The following CMTM7 variants were observed in gnomAD, a reference collection of about 807,000 sequenced individuals.
The protein encoded by CMTM7 is CKLF-like MARVEL transmembrane domain-containing protein 7.
A neutral mutation model predicts 19.3 loss-of-function variants in CMTM7; 7 were observed. The ratio of observed to expected loss-of-function variants is 0.36; its 90% CI spans 0.21 to 0.68. The LOEUF is 0.68. Among genes scored for constraint, CMTM7 ranks in the 30% least tolerant of loss-of-function variants. The pLI is 0.60. For missense variants in CMTM7, 193 were observed against 232.6 expected, an observed-to-expected ratio of 0.83 and a Z score of 1.11; for synonymous variants, 87 against 99.3, an observed-to-expected ratio of 0.88 and a Z score of 0.74.
At chr3:32,394,789 G>A (rs1695890734) in intron 1 of CMTM7, among the ~76,000 whole-genome samples, 1 of 151,882 alleles carries the variant, frequency 6.6e-6, no homozygotes, top group Non-Finnish European at 1.5e-5. Context: ...TCTGCCTCCC[G>A]AGTTCAATCA....
At chr3:32,436,343 A>C (rs1696597627) in intron 1 of CMTM7, among the ~76,000 whole-genome samples, 1 of 152,186 alleles carries the variant, frequency 6.6e-6, no homozygotes, top group South Asian at 2.1e-4. Context: ...TGACTTTAAC[A>C]GGGAGGCACG....
intron 1 of CMTM7, among the ~76,000 whole-genome samples, chr3:32,421,622 G>A (rs9812660): frequency 1.6e-4 from 25 of 152,216 alleles, no homozygotes; most frequent in African/African-American, 5.3e-4. Context: ...TTTTGTTGTC[G>A]TTACTTGTGT....
At chr3:32,412,743 G>A (rs1462025882) in intron 1 of CMTM7, among the ~76,000 whole-genome samples, 4 of 152,018 alleles carry the variant, frequency 2.6e-5, no homozygotes, top group Non-Finnish European at 1.5e-5. Flanking sequence ...TTTCTACAAT[G>A]TTATATTTTG....
At chr3:32,428,403 A>T (rs1328307536) in intron 1 of CMTM7, among the ~76,000 whole-genome samples, 1 of 152,178 alleles carries the variant, frequency 6.6e-6, no homozygotes, top group East Asian at 1.9e-4. Context: ...CATGGAGGAG[A>T]AATGTAAAAT....
rs1325009256 is a variant in CMTM7, at chr3:32,449,667, T to C, written c.432+115T>C. 10 of 795,308 alleles carry C rather than the reference T, an allele frequency of 1.3e-5. No individual in the cohort carries two copies. Among genetic ancestry groups the C allele is most frequent in the Non-Finnish European group, 2.2e-5 (10 of 453,408 alleles). 49.3% of individuals were successfully genotyped at this position (795,308 alleles called of 1,614,324 possible). ...TGGGGCATTCCCTTCATAGAATCAA[T>C]ACCTACCTTGATCCAGCCATCAGCT... On this transcript the variant is annotated intron_variant, in intron 3 of 4. Transcript: ENST00000334983. The surrounding 1 kb of genome is among the most constrained non-coding windows in gnomAD (Gnocchi z 4.5).
chr3:32,443,688 T>G (rs991977033), intron 2 of CMTM7, among the ~76,000 whole-genome samples: 3 of 152,096 alleles, frequency 2.0e-5, no homozygotes, highest in Middle Eastern at 3.4e-3. Context: ...CCACCAGGAG[T>G]GTATGAAGGT....
rs1696683162 is a variant in CMTM7, at chr3:32,441,922, C to A, written c.242C>A (p.Thr81Asn). ...YSAYSYFEVV[T>N]ICDLIMILAF... is the part of the protein sequence containing the mutation. ...GCCTACAGCTACTTTGAAGTGGTCA[C>A]CATTTGCGACTTGATAATGATCCTC... Residue 81 changes from threonine (T) to asparagine (N), a missense_variant, in exon 2 of 5, where the codon ACC (threonine) becomes AAC (asparagine). Physicochemically the swap from Thr to Asn is moderately conservative, Grantham distance 65. Coordinates refer to ENST00000334983, the MANE Select transcript of CMTM7 (RefSeq NM_138410.4). 11 of 1,614,176 alleles carry A rather than the reference C, an allele frequency of 6.8e-6. No individual in the cohort carries two copies. The highest frequency in any genetic ancestry group is 8.5e-6 in the Non-Finnish European group (10 of 1,180,022).
At chr3:32,399,148 C>T (rs1411415492) in intron 1 of CMTM7, among the ~76,000 whole-genome samples, 1 of 151,996 alleles carries the variant, frequency 6.6e-6, no homozygotes, top group African/African-American at 2.4e-5. Flanking sequence ...ATATATAGTC[C>T]TTAGTCTAAG....
At chr3:32,440,156 C>A (rs947936297) in intron 1 of CMTM7, among the ~76,000 whole-genome samples, 1 of 152,068 alleles carries the variant, frequency 6.6e-6, no homozygotes, top group Non-Finnish European at 1.5e-5. Context: ...CCTGTAATCA[C>A]AGCACTTTGG....
At chr3:32,393,411 T>C (rs1275043096) in intron 1 of CMTM7, among the ~76,000 whole-genome samples, 1 of 152,118 alleles carries the variant, frequency 6.6e-6, no homozygotes, top group East Asian at 1.9e-4. Context: ...CATCTCACCA[T>C]CCTTAAAAGA....
chr3:32,437,921 G>A (rs1386922975), intron 1 of CMTM7, among the ~76,000 whole-genome samples: 1 of 151,998 alleles, frequency 6.6e-6, no homozygotes, highest in Non-Finnish European at 1.5e-5. Flanking sequence ...TAAACCCCTG[G>A]ACATTTATGT....
chr3:32,443,723 A>G (rs1344445664), intron 2 of CMTM7, among the ~76,000 whole-genome samples: 1 of 152,164 alleles, frequency 6.6e-6, no homozygotes, highest in Non-Finnish European at 1.5e-5. Flanking sequence ...ATCTTTGCCA[A>G]CACTTATTAT....
In CMTM7 at chr3:32,443,290, G is replaced by A. The variant is rs548762520; in HGVS notation, c.333+1277G>A. On this transcript the variant is annotated intron_variant, in intron 2 of 4. Transcript: ENST00000334983. ...ATTTTTGTGTTTTTTTTTTTACAGA[G>A]ATGAGGTTTCATTGTGTTGCCCAGG... is the stretch of plus-strand genomic sequence containing the variant. 2.6e-5 allele frequency among the ~76,000 whole-genome samples: 4 copies of A among 151,740 alleles called. No homozygotes were observed. In the East Asian group the frequency reaches 7.7e-4, roughly 29 times the overall value.
intron 1 of CMTM7, among the ~76,000 whole-genome samples, chr3:32,434,191 A>G (rs1696561884): frequency 6.6e-6 from 1 of 152,224 alleles, no homozygotes; most frequent in African/African-American, 2.4e-5. Context: ...CTCCGTCTCA[A>G]AAAATAATAA....
chr3:32,399,263 G>GT (rs796825427), intron 1 of CMTM7, among the ~76,000 whole-genome samples: 16,234 of 128,320 alleles, frequency 0.13, 1,061 homozygotes, highest in African/African-American at 0.18. Flanking sequence ...GGAACCTTTT[G>GT]TTTTTTTTTT....
intron 1 of CMTM7, among the ~76,000 whole-genome samples, chr3:32,416,536 G>A (rs1406442081): frequency 2.1e-5 from 3 of 142,382 alleles, no homozygotes; most frequent in Non-Finnish European, 3.1e-5. Context: ...GACTACAGGC[G>A]CCCGCCACCG....
At chr3:32,430,712 T>TGTGTGTGTGTGTGTGTGA (rs1202757253) in intron 1 of CMTM7, among the ~76,000 whole-genome samples, 4 of 151,270 alleles carry the variant, frequency 2.6e-5, no homozygotes, top group African/African-American at 7.3e-5. Flanking sequence ...TGTGTGTGTG[T>TGTGTGTGTGTGTGTGTGA]GTGACACAGC....
intron 1 of CMTM7, among the ~76,000 whole-genome samples, 170 bp from the exon 2 acceptor site, chr3:32,441,670 G>A (rs1179891407): frequency 6.6e-6 from 1 of 152,228 alleles, no homozygotes; most frequent in African/African-American, 2.4e-5. Flanking sequence ...ACCACATGAA[G>A]TTGCAGTCTT....
At chr3:32,423,485 C>T (rs904050247) in intron 1 of CMTM7, among the ~76,000 whole-genome samples, 1 of 152,144 alleles carries the variant, frequency 6.6e-6, no homozygotes, top group South Asian at 2.1e-4. Context: ...GTGTGTCTTC[C>T]TACTGCTCCT....
Sources: allele counts gnomAD v4.1 joint callset (sites outside exome capture counted in the v4.1 genomes callset), GRCh38; gene constraint gnomAD v4.1.1; non-coding constraint Gnocchi (gnomAD v3.1); transcripts MANE v1.5; gene names NCBI Gene and HGNC (gene_info 2026-07-23, HGNC 2026-07-21).